The following AGO2 variants were observed in gnomAD, a reference collection of about 807,000 sequenced individuals.
AGO2 encodes the protein argonaute RISC catalytic component 2.
AGO2 carries 5 observed loss-of-function variants against 102.3 expected under a neutral mutation model. The observed-to-expected ratio is 0.05, with a 90% CI of 0.03 to 0.10. The LOEUF is 0.10. AGO2 is among the 10% of genes least tolerant of loss of function. The probability of loss-of-function intolerance (pLI) is 1.00; values close to 1 mark genes in which losing one functional copy is unlikely to be tolerated. For synonymous variants in AGO2, 449 were observed against 473.1 expected (o/e 0.95, Z 0.66); for missense variants, 541 against 1,183.7 (o/e 0.46, Z 7.97).
At chr8:140,619,218 G>A (rs190836562) in intron 1 of AGO2, among the ~76,000 whole-genome samples, 45 of 152,324 alleles carry the variant, frequency 3.0e-4, no homozygotes, top group African/African-American at 9.6e-4. Flanking sequence ...AAGTCGCTAG[G>A]GATGGGCTGT....
At chr8:140,542,288 T>C (rs1425936388) in intron 14 of AGO2, among the ~76,000 whole-genome samples, 1 of 152,150 alleles carries the variant, frequency 6.6e-6, no homozygotes, top group Non-Finnish European at 1.5e-5. Flanking sequence ...ATAAAACCTC[T>C]CATGTCACTG....
intron 1 of AGO2, among the ~76,000 whole-genome samples, chr8:140,625,859 G>A (rs1474531721): frequency 9.2e-5 from 14 of 152,228 alleles, no homozygotes; most frequent in Non-Finnish European, 2.9e-5. Context: ...GGCCAACAGC[G>A]AAGTTAAGGT....
At position 140,544,897 on chromosome 8, in the gene AGO2, C is replaced by T. The variant is rs534242725; in HGVS notation, c.1749-594G>A. On this transcript the variant is annotated intron_variant, in intron 13 of 18. Coordinates refer to ENST00000220592, the MANE Select transcript of AGO2 (RefSeq NM_012154.5). ...GGACTTCCCTGGGAGGCAGCACGCA[C>T]AGGGGCAAGGACAGGCATGTGGGCC... is the stretch of plus-strand genomic sequence containing the variant. 5.1e-4 allele frequency among the ~76,000 whole-genome samples: 77 copies of T among 152,310 alleles called. No individual in the cohort carries two copies. The Middle Eastern group carries it at 0.01, about 20-fold the overall frequency.
At position 140,556,373 on chromosome 8, in the gene AGO2, GCTCTGCTTGGGACCGTCTCTGCCTCATC is replaced by G. The variant is rs556867308; in HGVS notation, c.1027-115_1027-88del. On this transcript the variant is annotated intron_variant, in intron 8 of 18. Transcript: ENST00000220592. Reference sequence around the variant, plus strand: ...AGGGGGCTCAGGGGCTGGTGGCCTGGCTCTGCTTGGGACCGTCTCTGCCTCATCCCTGGGCTATGAAGTGCTGTGCAGG... The same window carrying G: ...AGGGGGCTCAGGGGCTGGTGGCCTGGCCTGGGCTATGAAGTGCTGTGCAGG... 2.7e-4 allele frequency: 423 copies of G among 1,548,404 alleles called. 1 individual carries two copies. In the African/African-American group the frequency reaches 4.3e-3, roughly 16 times the overall value.
At chr8:140,565,788 A>C (rs2073274974) in intron 3 of AGO2, among the ~76,000 whole-genome samples, 1 of 152,154 alleles carries the variant, frequency 6.6e-6, no homozygotes, top group Non-Finnish European at 1.5e-5. Context: ...GGGAGTCAAA[A>C]GTCATACATA....
At chr8:140,624,629 G>A (rs886843567) in intron 1 of AGO2, among the ~76,000 whole-genome samples, 3 of 152,226 alleles carry the variant, frequency 2.0e-5, no homozygotes, top group African/African-American at 7.2e-5. Flanking sequence ...GCATTCCGAG[G>A]CCACCAACTG....
intron 1 of AGO2, among the ~76,000 whole-genome samples, chr8:140,618,114 C>T (rs2074165688): frequency 6.6e-6 from 1 of 151,718 alleles, no homozygotes; most frequent in African/African-American, 2.4e-5. Context: ...CCAGCCTGGC[C>T]AACACGGTGA....
intron 1 of AGO2, chr8:140,592,859 A>G (rs2073763829): frequency 6.6e-6 from 1 of 152,266 alleles, no homozygotes; most frequent in African/African-American, 2.4e-5. Flanking sequence ...GACTTCCAGC[A>G]CATTCTTGTC....
At chr8:140,584,711 G>A (rs978360223) in intron 2 of AGO2, among the ~76,000 whole-genome samples, 8 of 152,098 alleles carry the variant, frequency 5.3e-5, no homozygotes, top group African/African-American at 1.7e-4. Context: ...AAAAGCAGTC[G>A]GGATTGAGGG....
intron 10 of AGO2, among the ~76,000 whole-genome samples, chr8:140,554,378 C>T (rs2073058450): frequency 6.6e-6 from 1 of 152,188 alleles, no homozygotes; most frequent in Admixed American, 6.5e-5. Context: ...GGACACAGAC[C>T]CCCCCACGTG....
intron 1 of AGO2, among the ~76,000 whole-genome samples, chr8:140,619,607 C>T (rs2074189609): frequency 6.6e-6 from 1 of 152,196 alleles, no homozygotes; most frequent in Non-Finnish European, 1.5e-5. Context: ...CCAGGCAACT[C>T]TGGAAAGCAG....
chr8:140,560,356 C>CCCCA lies in AGO2; in HGVS notation c.655+14_655+17dup. The CCCCA allele has an allele frequency of 6.2e-7, 1 of 1,613,040 alleles. No individual in the cohort carries two copies. The highest frequency in any genetic ancestry group is 1.1e-5 in the South Asian group (1 of 91,026). ...GCCCAACCCTGCCCTGCAGTGAAGA[C>CCCCA]CCCAGGGCGCTGCTTACCATCAATA... On this transcript the variant is annotated intron_variant, in intron 5 of 18. Coordinates refer to ENST00000220592, the MANE Select transcript of AGO2 (RefSeq NM_012154.5).
rs561237660 is a variant in AGO2 at position 140,560,530 on chromosome 8, C to A, written c.519-20G>T. The A allele has an allele frequency of 4.4e-6, 7 of 1,601,236 alleles. No homozygotes were observed. Among genetic ancestry groups the A allele is most frequent in the Admixed American group, 1.7e-5 (1 of 59,516 alleles). On this transcript the variant is annotated intron_variant, in intron 4 of 18. Coordinates refer to ENST00000220592, the MANE Select transcript of AGO2 (RefSeq NM_012154.5). Reference sequence around the variant, plus strand: ...GTGTACCTGGAACCAAGAGACCCCACCCCGCCTCCCGTCAGATGTGTCTTC... The same window carrying A: ...GTGTACCTGGAACCAAGAGACCCCAACCCGCCTCCCGTCAGATGTGTCTTC...
the AGO2 span, among the ~76,000 whole-genome samples, chr8:140,641,295 AACACACACACACACACACACACAC>A: frequency 6.8e-6 from 1 of 146,872 alleles, no homozygotes; most frequent in African/African-American, 2.5e-5. Context: ...GCTGTCTCAA[AACACACACACACACACACACACAC>A]ACACACACAC....
Position 140,562,597 on chromosome 8 carries a change from T to A in AGO2, c.374A>T (p.Asp125Val). 6.2e-7 allele frequency: 1 copy of A among 1,613,942 alleles called. No individual in the cohort carries two copies. The highest frequency in any genetic ancestry group is 8.5e-7 in the Non-Finnish European group (1 of 1,179,988). ...CTTGATGGACACCTTGAAGATGCGA[T>A]CCTTGCCTTCTCCTGGCAGCGTGAC... is the stretch of plus-strand genomic sequence containing the variant. ...LEVTLPGEGKDRIFKVSIKWV... is the reference protein window; with the variant it reads ...LEVTLPGEGKVRIFKVSIKWV... The change falls in exon 4 of 19, where the codon GAT (aspartate) becomes GTT (valine). Residue 125 changes from aspartate (D) to valine (V), a missense_variant. Transcript: ENST00000220592.
the AGO2 span, among the ~76,000 whole-genome samples, chr8:140,641,922 G>A: frequency 6.6e-6 from 1 of 152,126 alleles, no homozygotes; most frequent in Admixed American, 6.6e-5. Context: ...CATACCTATA[G>A]TCTCAGCTAA....
At chr8:140,560,318 C>T (rs1482273669) in intron 5 of AGO2, 56 bp downstream of exon 5, 7 of 1,580,800 alleles carry the variant, frequency 4.4e-6, no homozygotes, top group Non-Finnish European at 6.0e-6. Context: ...GGGGTCCTGA[C>T]CCCCCAGCCC....
At chr8:140,590,539 G>A (rs577263433) in intron 1 of AGO2, among the ~76,000 whole-genome samples, 8 of 152,324 alleles carry the variant, frequency 5.3e-5, no homozygotes, top group Non-Finnish European at 7.4e-5. Flanking sequence ...AACAGACGCC[G>A]AGGAAGCGGA....
intron 17 of AGO2, among the ~76,000 whole-genome samples, chr8:140,534,864 G>A (rs1304358689): frequency 3.9e-5 from 6 of 152,208 alleles, no homozygotes; most frequent in African/African-American, 1.2e-4. Flanking sequence ...CTCCTACCAC[G>A]GACGTGGTGC....
Sources: allele counts gnomAD v4.1 joint callset (sites outside exome capture counted in the v4.1 genomes callset), GRCh38; gene constraint gnomAD v4.1.1; transcripts MANE v1.5; gene names NCBI Gene and HGNC (gene_info 2026-07-23, HGNC 2026-07-21).